Variants in SH3RF2 observed in about 807,000 individuals in gnomAD.
SH3RF2 encodes SH3 domain containing ring finger 2.
In SH3RF2, 43 loss-of-function variants were observed where a neutral mutation model predicts 59.0. The observed-to-expected ratio is 0.73, with a 90% CI of 0.57 to 0.94. The LOEUF (loss-of-function observed/expected upper bound fraction) is 0.94. Ranked by LOEUF, SH3RF2 falls within the 40% of genes least tolerant of loss-of-function variation. The probability of loss-of-function intolerance (pLI) is 0.00; values close to 1 mark genes in which losing one functional copy is unlikely to be tolerated. For synonymous variants in SH3RF2, 391 were observed against 391.5 expected, an observed-to-expected ratio of 1.00 and a Z score of 0.01; for missense variants, 930 against 940.1, an observed-to-expected ratio of 0.99 and a Z score of 0.14.
intron 9 of SH3RF2, among the ~76,000 whole-genome samples, chr5:146,071,360 T>C (rs1322338196): frequency 6.6e-6 from 1 of 152,192 alleles, no homozygotes; most frequent in Non-Finnish European, 1.5e-5. Context: ...AGTCACAGCT[T>C]AGATAGCGCT....
intron 2 of SH3RF2, among the ~76,000 whole-genome samples, chr5:145,940,309 T>C (rs966262015): frequency 6.6e-6 from 1 of 152,188 alleles, no homozygotes; most frequent in Non-Finnish European, 1.5e-5. Flanking sequence ...TATCCTTTCT[T>C]GAAGTGACTC....
At position 146,004,142 on chromosome 5, in the gene SH3RF2, T is replaced by A; in HGVS notation, c.733T>A (p.Leu245Met). Residue 245 changes from leucine to methionine, a missense_variant, in exon 4 of 10, where the codon TTG becomes ATG. By Grantham distance (15) the Leu-to-Met change is conservative (BLOSUM62 2). Coordinates refer to ENST00000359120, the MANE Select transcript of SH3RF2 (RefSeq NM_152550.4). ...AGATAAAGTAGGCATCTTCCCTATC[T>A]TGTTTGTAGAGGTACGTGAGTATCA... ...LGDKVGIFPILFVEPNLTARH... is the reference protein window; with the variant it reads ...LGDKVGIFPIMFVEPNLTARH... The A allele has an allele frequency of 6.2e-7, 1 of 1,611,990 alleles. No homozygotes were observed. The highest frequency in any genetic ancestry group is 8.5e-7 in the Non-Finnish European group (1 of 1,178,452).
At position 145,938,046 on chromosome 5, in the gene SH3RF2, G is replaced by A. The variant is rs760727551; in HGVS notation, c.118G>A (p.Val40Ile). 21 of 1,614,130 alleles carry A rather than the reference G, an allele frequency of 1.3e-5. No individual in the cohort carries two copies. Among genetic ancestry groups the A allele is most frequent in the East Asian group, 2.2e-5 (1 of 44,900 alleles). Residue 40 changes from valine to isoleucine, a missense_variant, in exon 2 of 10, where the codon GTT (valine) becomes ATT (isoleucine). Transcript: ENST00000359120. ...CTTCTGCAAACCATGTCTACAGAGGGTTTTCAAGGCCCACAAAGAGCTGCG... is the reference window on the plus strand; with the variant it reads ...CTTCTGCAAACCATGTCTACAGAGGATTTTCAAGGCCCACAAAGAGCTGCG... ...HTFCKPCLQR[V>I]FKAHKELRCP...
At chr5:145,955,683 C>T (rs1459391968) in intron 2 of SH3RF2, among the ~76,000 whole-genome samples, 1 of 152,118 alleles carries the variant, frequency 6.6e-6, no homozygotes, top group Non-Finnish European at 1.5e-5. Context: ...TTTGTCCTGT[C>T]GGAAGGGCAT....
At chr5:145,952,799 G>A (rs752826573) in intron 2 of SH3RF2, among the ~76,000 whole-genome samples, 3 of 152,094 alleles carry the variant, frequency 2.0e-5, no homozygotes, top group Non-Finnish European at 2.9e-5. Flanking sequence ...AAGAGAGGGC[G>A]GCCAAGAAAG....
At chr5:146,053,190 G>C (rs1367346929) in intron 7 of SH3RF2, among the ~76,000 whole-genome samples, 1 of 152,202 alleles carries the variant, frequency 6.6e-6, no homozygotes, top group Non-Finnish European at 1.5e-5. Context: ...GGAAAAGGCT[G>C]TTGTGCTATT....
At chr5:145,958,230 G>A (rs979993552) in intron 2 of SH3RF2, among the ~76,000 whole-genome samples, 3 of 152,116 alleles carry the variant, frequency 2.0e-5, no homozygotes, top group Non-Finnish European at 2.9e-5. Context: ...CTGTAAAACC[G>A]TAACATCTAC....
At position 146,029,850 on chromosome 5, in the gene SH3RF2, C is replaced by T. The variant is rs576763405; in HGVS notation, c.1059+15789C>T. ...AAGAAAATTGACCATTTTCTTTCATCAAAGAAAAAAACCATTTATTGTATC... is the reference window on the plus strand; with the variant it reads ...AAGAAAATTGACCATTTTCTTTCATTAAAGAAAAAAACCATTTATTGTATC... On this transcript the variant is annotated intron_variant, in intron 5 of 9. Coordinates refer to ENST00000359120, the MANE Select transcript of SH3RF2 (RefSeq NM_152550.4). Among the ~76,000 whole-genome samples the T allele has an allele frequency of 2.6e-5, 4 of 152,184 alleles. No homozygotes were observed. The South Asian group carries it at 8.3e-4, about 32-fold the overall frequency.
At chr5:145,950,624 GA>G (rs1758157360) in intron 2 of SH3RF2, among the ~76,000 whole-genome samples, 1 of 151,972 alleles carries the variant, frequency 6.6e-6, no homozygotes, top group African/African-American at 2.4e-5. Flanking sequence ...CTGGACAATA[GA>G]AATAAAAACC....
chr5:145,944,030 C>T (rs1180631621), intron 2 of SH3RF2, among the ~76,000 whole-genome samples: 1 of 152,166 alleles, frequency 6.6e-6, no homozygotes, highest in East Asian at 1.9e-4. Flanking sequence ...TCATCTGGCC[C>T]ATTGCCAGCA....
At chr5:145,984,558 A>G (rs758425579) in intron 2 of SH3RF2, among the ~76,000 whole-genome samples, 2 of 152,222 alleles carry the variant, frequency 1.3e-5, no homozygotes, top group African/African-American at 2.4e-5. Flanking sequence ...GATTGCAAAT[A>G]ACTTCTATAA....
At chr5:145,974,475 G>A (rs1042140114) in intron 2 of SH3RF2, among the ~76,000 whole-genome samples, 1 of 152,066 alleles carries the variant, frequency 6.6e-6, no homozygotes, top group East Asian at 1.9e-4. Context: ...AAAGAAGAGA[G>A]CAAGAAGAAA....
At chr5:146,039,124 C>T (rs932893107) in intron 5 of SH3RF2, among the ~76,000 whole-genome samples, 2 of 152,124 alleles carry the variant, frequency 1.3e-5, no homozygotes, top group African/African-American at 4.8e-5. Flanking sequence ...AATTGGATTC[C>T]TCCCTTGTCA....
chr5:146,068,026 C>T (rs1301744565), downstream of SH3RF2, among the ~76,000 whole-genome samples: 2 of 152,208 alleles, frequency 1.3e-5, no homozygotes, highest in Non-Finnish European at 2.9e-5. Context: ...CATCCCAGCC[C>T]GCTCCTGACC....
intron 2 of SH3RF2, among the ~76,000 whole-genome samples, chr5:145,994,696 C>T (rs1760082638): frequency 6.6e-6 from 1 of 152,194 alleles, no homozygotes; most frequent in African/African-American, 2.4e-5. Flanking sequence ...CCTTCCCAAA[C>T]ACGTGGGAAT....
At chr5:145,996,747 A>G (rs6898375) in intron 2 of SH3RF2, among the ~76,000 whole-genome samples, 92,340 of 152,036 alleles carry the variant, frequency 0.61, 28,333 homozygotes, top group Middle Eastern at 0.8. Context: ...TCAAGTTCAC[A>G]GCCCTGTTCC....
rs545174733 is a variant in SH3RF2, at chr5:146,006,420, C to CA, written c.744+2273dup. Reference sequence around the variant, plus strand: ...TAGACAACAGAGCAAGACCCTATCTCAAAAAAGAAAAAAAAGACTGAAGTA... The same window carrying CA: ...TAGACAACAGAGCAAGACCCTATCTCAAAAAAAGAAAAAAAAGACTGAAGTA... On this transcript the variant is annotated intron_variant, in intron 4 of 9. Transcript: ENST00000359120. Among the ~76,000 whole-genome samples, 575 of 151,122 alleles carry CA rather than the reference C, an allele frequency of 3.8e-3. 4 individuals are homozygous for CA. Among genetic ancestry groups the CA allele is most frequent in the Non-Finnish European group, 6.7e-3 (456 of 67,762 alleles).
chr5:145,996,413 G>A (rs1261470986), intron 2 of SH3RF2, among the ~76,000 whole-genome samples: 5 of 152,178 alleles, frequency 3.3e-5, no homozygotes, highest in African/African-American at 9.7e-5. Context: ...CAAGACTGGA[G>A]TGAGGCCATT....
chr5:146,002,457 A>G (rs111852686), intron 3 of SH3RF2, among the ~76,000 whole-genome samples: 48 of 147,680 alleles, frequency 3.3e-4, no homozygotes, highest in African/African-American at 1.1e-3. Flanking sequence ...TCTAAAAATT[A>G]AAAAAGAAAG....
Sources: gnomAD v4.1 joint callset for allele counts (sites outside exome capture counted in the v4.1 genomes callset) on GRCh38, gnomAD v4.1.1 for gene constraint, MANE v1.5 for transcripts, NCBI Gene and HGNC (gene_info 2026-07-23, HGNC 2026-07-21) for gene names.